Variants in PPEF1 observed in about 807,000 individuals in gnomAD.
PPEF1 encodes protein phosphatase with EF-hand domain 1, also known as serine/threonine-protein phosphatase with EF-hands 1.
Under a neutral mutation model 53.3 loss-of-function variants are expected in PPEF1, and 12 were observed. The ratio of observed to expected loss-of-function variants is 0.23; its 90% CI spans 0.14 to 0.36. PPEF1 has a LOEUF of 0.36. Ranked by LOEUF, PPEF1 falls within the 10% of genes least tolerant of loss-of-function variation. The probability of loss-of-function intolerance (pLI) is 1.00; values close to 1 mark genes in which losing one functional copy is unlikely to be tolerated. For synonymous variants in PPEF1, 165 were observed against 176.7 expected, an observed-to-expected ratio of 0.93 and a Z score of 0.52; for missense variants, 334 against 490.4, an observed-to-expected ratio of 0.68 and a Z score of 3.01.
chrX:18,723,265 G>A (rs1328651888), intron 1 of PPEF1, among the ~76,000 whole-genome samples: 1 of 111,415 alleles, frequency 9.0e-6, no homozygotes, highest in African/African-American at 3.3e-5. Flanking sequence ...GGTTACAGGC[G>A]TGAGCCACCA....
At chrX:18,717,102 T>TA (rs1462631527) in intron 1 of PPEF1, among the ~76,000 whole-genome samples, 3 of 106,620 alleles carry the variant, frequency 2.8e-5, no homozygotes, top group Non-Finnish European at 3.9e-5. Flanking sequence ...TATATATATA[T>TA]TTTTTTCTCA....
At chrX:18,720,879 C>T (rs1314733407) in intron 1 of PPEF1, among the ~76,000 whole-genome samples, 2 of 110,960 alleles carry the variant, frequency 1.8e-5, no homozygotes, top group Non-Finnish European at 3.8e-5. Context: ...ATCTCCTCAA[C>T]TTCAGCTGCT....
At chrX:18,777,665 G>A (rs187031836) in intron 6 of PPEF1, among the ~76,000 whole-genome samples, 3 of 109,562 alleles carry the variant, frequency 2.7e-5, no homozygotes, top group African/African-American at 1.0e-4. Flanking sequence ...GACTGCAGGC[G>A]CCTGCCATCA....
intron 6 of PPEF1, among the ~76,000 whole-genome samples, chrX:18,778,456 A>C (rs1404011723): frequency 9.0e-6 from 1 of 111,312 alleles, no homozygotes; most frequent in Non-Finnish European, 1.9e-5. Flanking sequence ...CGCTGGCAGT[A>C]CATCCGAGCT....
intron 9 of PPEF1, among the ~76,000 whole-genome samples, chrX:18,784,819 C>T (rs772591053): frequency 9.0e-6 from 1 of 111,170 alleles, no homozygotes; most frequent in Non-Finnish European, 1.9e-5. Context: ...TATGTGGTGA[C>T]TGTGAAGATC....
intron 3 of PPEF1, among the ~76,000 whole-genome samples, chrX:18,745,130 T>TAATTATATTATATATATTATATATTATAA (rs1250870415): frequency 3.1e-5 from 3 of 96,109 alleles, no homozygotes; most frequent in Non-Finnish European, 6.0e-5. Flanking sequence ...ATATATTATA[T>TAATTATATTATATATATTATATATTATAA]AATTATATTA....
chrX:18,798,321 C>T (rs1356607456), intron 10 of PPEF1, among the ~76,000 whole-genome samples: 2 of 111,757 alleles, frequency 1.8e-5, no homozygotes, highest in Admixed American at 9.5e-5. Flanking sequence ...GCATGAGCCA[C>T]GGCGCCTGGC....
chrX:18,821,486 C>T (rs1384497546), intron 13 of PPEF1, among the ~76,000 whole-genome samples: 4 of 110,986 alleles, frequency 3.6e-5, no homozygotes, highest in Non-Finnish European at 7.5e-5. Flanking sequence ...TGGCTCATTG[C>T]AACCTCCGCC....
rs2045167609 is a variant in PPEF1, at chrX:18,741,751, A to G, written c.235+7943A>G. On this transcript the variant is annotated intron_variant, in intron 3 of 15. Transcript: ENST00000470157. ...AGATGGAAGCATGTGGTATATACCC[A>G]TTTGAGTCTGGCTGCTGCTTCTTTT... Among the ~76,000 whole-genome samples, 3 of 97,245 alleles carry G rather than the reference A, an allele frequency of 3.1e-5. No homozygotes were observed. The South Asian group carries it at 1.4e-3, about 46-fold the overall frequency. The allele number at this position is 97,245 out of a possible 115,157, so 84.4% of individuals were successfully genotyped here.
At chrX:18,814,267 G>C (rs766916769) in intron 12 of PPEF1, among the ~76,000 whole-genome samples, 1 of 111,609 alleles carries the variant, frequency 9.0e-6, no homozygotes. Context: ...GGTTGATTCC[G>C]TGTTTTTGCT....
At chrX:18,811,429 A>G (rs1392697237) in intron 12 of PPEF1, among the ~76,000 whole-genome samples, 1 of 109,445 alleles carries the variant, frequency 9.1e-6, no homozygotes, top group African/African-American at 3.3e-5. Flanking sequence ...GTATTTCCCT[A>G]ATGATTAATG....
intron 13 of PPEF1, among the ~76,000 whole-genome samples, chrX:18,818,439 C>T (rs769852229): frequency 1.9e-5 from 2 of 105,265 alleles, no homozygotes; most frequent in Non-Finnish European, 3.9e-5. Flanking sequence ...GGCGTGACCT[C>T]AGCTCACTAT....
chrX:18,695,359 T>C (rs61402565), intron 4 of PPEF1, among the ~76,000 whole-genome samples: 1,252 of 112,756 alleles, frequency 0.011, 43 homozygotes, highest in Admixed American at 0.1. Context: ...AACCTAGTCA[T>C]AGAAGTGACA....
At chrX:18,709,791 C>G (rs1382434811) in intron 1 of PPEF1, among the ~76,000 whole-genome samples, 1 of 111,906 alleles carries the variant, frequency 8.9e-6, no homozygotes, top group Admixed American at 9.5e-5. Flanking sequence ...AGCCACTGTG[C>G]CCGACCTGTT....
intron 12 of PPEF1, among the ~76,000 whole-genome samples, chrX:18,811,601 ATATATATATATATATTTTTTTT>A (rs1569271213): frequency 2.6e-5 from 2 of 76,989 alleles, no homozygotes; most frequent in Admixed American, 1.6e-4. Context: ...ATATATATAT[ATATATATATATATATTTTTTTT>A]TTTTTTTTTT....
At chrX:18,693,820 G>A (rs945602340) in intron 4 of PPEF1, among the ~76,000 whole-genome samples, 5 of 111,656 alleles carry the variant, frequency 4.5e-5, no homozygotes, top group East Asian at 5.6e-4. Flanking sequence ...CACCCGCTTC[G>A]GCCTCCCAAA....
chrX:18,821,776 AG>A (rs1569273791), intron 13 of PPEF1, among the ~76,000 whole-genome samples: 8 of 101,879 alleles, frequency 7.9e-5, no homozygotes, highest in African/African-American at 1.8e-4. Flanking sequence ...AGAGAGAGAG[AG>A]AGAGAGAGAG....
At chrX:18,825,873 G>C in intron 15 of PPEF1, 38 bp downstream of exon 15, 1 of 983,645 alleles carries the variant, frequency 1.0e-6, no homozygotes. Flanking sequence ...TTTAAAAAGT[G>C]TATGTGTGTG....
At chrX:18,756,649 A>G (rs1318781378) in intron 4 of PPEF1, among the ~76,000 whole-genome samples, 1 of 112,594 alleles carries the variant, frequency 8.9e-6, no homozygotes, top group African/African-American at 3.2e-5. Flanking sequence ...AGTTGTAAAT[A>G]TAATTCTAAT....
Sources: allele counts gnomAD v4.1 joint callset (sites outside exome capture counted in the v4.1 genomes callset), GRCh38; gene constraint gnomAD v4.1.1; transcripts MANE v1.5; gene names NCBI Gene and HGNC (gene_info 2026-07-23, HGNC 2026-07-21).